The following ATG4A variants were observed in gnomAD, a reference collection of about 807,000 sequenced individuals.
The protein encoded by ATG4A is cysteine protease ATG4A.
A neutral mutation model predicts 38.4 loss-of-function variants in ATG4A; 22 were observed. The observed-to-expected ratio is 0.57, with a 90% CI of 0.41 to 0.82. The LOEUF is 0.82. Ranked by LOEUF, ATG4A falls within the 40% of genes least tolerant of loss-of-function variation. ATG4A has a pLI of 0.00. For synonymous variants in ATG4A, 86 were observed against 100.7 expected (o/e 0.85, Z 0.88); for missense variants, 220 against 290.0 (o/e 0.76, Z 1.75).
chrX:108,153,118 C>A (rs778817355), intron 12 of ATG4A, 31 bp downstream of exon 12: 2 of 1,022,078 alleles, frequency 2.0e-6, no homozygotes, highest in Admixed American at 2.2e-5. Context: ...TCTCAGCTAG[C>A]AGACCCACAT....
intron 1 of ATG4A, among the ~76,000 whole-genome samples, chrX:108,125,602 A>G (rs1271373227): frequency 1.8e-5 from 2 of 111,981 alleles, no homozygotes; most frequent in Non-Finnish European, 3.8e-5. Flanking sequence ...AAATATTACC[A>G]TATACACAGG....
chrX:108,136,392 T>C (rs2033107896), intron 6 of ATG4A, among the ~76,000 whole-genome samples: 1 of 111,216 alleles, frequency 9.0e-6, no homozygotes, highest in Admixed American at 9.6e-5. Flanking sequence ...GTACTTTACA[T>C]AGACTTCAGA....
intron 10 of ATG4A, 109 bp from the exon 11 acceptor site, chrX:108,151,693 T>G: frequency 1.3e-6 from 1 of 744,812 alleles, no homozygotes; most frequent in Non-Finnish European, 2.0e-6. Context: ...TCTTTATTGC[T>G]GAGAAGTCAC....
chrX:108,098,984 T>C (rs765529452), intron 1 of ATG4A, among the ~76,000 whole-genome samples: 1 of 111,113 alleles, frequency 9.0e-6, no homozygotes, highest in African/African-American at 3.3e-5. Context: ...GAAATTTTCA[T>C]CTCTCTGAGA....
chrX:108,113,092 AT>A (rs967826854), intron 1 of ATG4A, among the ~76,000 whole-genome samples: 11 of 109,064 alleles, frequency 1.0e-4, no homozygotes, highest in Admixed American at 8.8e-4. Context: ...TCTCTAGTCC[AT>A]TTTTTTTTCT....
chrX:108,119,524 T>A (rs2032596110), intron 1 of ATG4A, among the ~76,000 whole-genome samples: 2 of 112,215 alleles, frequency 1.8e-5, no homozygotes, highest in Admixed American at 1.9e-4. Flanking sequence ...TTCTATTCAA[T>A]TTCATTTTTT....
chrX:108,151,614 T>G (rs1225533026), intron 10 of ATG4A, among the ~76,000 whole-genome samples, 188 bp from the exon 11 acceptor site: 1 of 111,743 alleles, frequency 8.9e-6, no homozygotes, highest in African/African-American at 3.3e-5. Flanking sequence ...AGAGCAAGAC[T>G]GAGAGAGTGA....
At chrX:108,102,412 T>TG (rs1569299952) in intron 1 of ATG4A, among the ~76,000 whole-genome samples, 2 of 110,548 alleles carry the variant, frequency 1.8e-5, no homozygotes, top group East Asian at 5.6e-4. Flanking sequence ...AATTATTTGG[T>TG]GAGATTTTTT....
At chrX:108,149,810 C>G (rs1266092176) in intron 9 of ATG4A, among the ~76,000 whole-genome samples, 1 of 112,496 alleles carries the variant, frequency 8.9e-6, no homozygotes, top group East Asian at 2.8e-4. Context: ...GGCCCACGAC[C>G]TGGTGACTCC....
At chrX:108,132,945 C>T (rs2033002318) in intron 4 of ATG4A, among the ~76,000 whole-genome samples, 2 of 111,404 alleles carry the variant, frequency 1.8e-5, no homozygotes, top group South Asian at 7.5e-4. Context: ...GTTTCCTATT[C>T]AGCTATTTTA....
At chrX:108,134,316 AT>A in intron 5 of ATG4A, 22 bp from the exon 6 acceptor site, 1 of 1,196,273 alleles carries the variant, frequency 8.4e-7, no homozygotes, top group Non-Finnish European at 1.1e-6. Context: ...CTAACATGTT[AT>A]TTTTTTCCAC....
At chrX:108,137,430 C>T (rs182954467) in intron 7 of ATG4A, among the ~76,000 whole-genome samples, 230 of 112,731 alleles carry the variant, frequency 2.0e-3, no homozygotes, top group African/African-American at 7.0e-3. Flanking sequence ...ATTTATTCAA[C>T]CACCAACAGA....
chrX:108,141,537 A>G (rs1040491929), intron 9 of ATG4A, among the ~76,000 whole-genome samples: 4 of 111,583 alleles, frequency 3.6e-5, no homozygotes, highest in Non-Finnish European at 7.5e-5. Flanking sequence ...ACCACCTTCC[A>G]TTGCTCCCCC....
intron 1 of ATG4A, among the ~76,000 whole-genome samples, chrX:108,095,756 G>A (rs1409101478): frequency 9.6e-6 from 1 of 103,654 alleles, no homozygotes; most frequent in Admixed American, 1.0e-4. Context: ...TGTCGCCCAG[G>A]CTGAAGTGCA....
At chrX:108,140,977 C>CAT (rs1352281689) in intron 9 of ATG4A, among the ~76,000 whole-genome samples, 4 of 85,129 alleles carry the variant, frequency 4.7e-5, no homozygotes, top group Admixed American at 1.4e-4. Context: ...CATATATACA[C>CAT]ATATATATAC....
rs1316000396 is a variant in ATG4A, at chrX:108,137,985, A to G, written c.729A>G (p.Ala243=). 2 of 1,198,849 alleles carry G rather than the reference A, an allele frequency of 1.7e-6. No homozygotes were observed. Among genetic ancestry groups the G allele is most frequent in the African/African-American group, 1.8e-5 (1 of 56,832 alleles). ...INQINPVYVD[A]FKECFKMPQS... Reference sequence around the variant, plus strand: ...AAATCAATCCTGTCTATGTTGATGCATTCAAAGTAAGTCACTTCTTTCCCT... The same window carrying G: ...AAATCAATCCTGTCTATGTTGATGCGTTCAAAGTAAGTCACTTCTTTCCCT... Residue 243 remains alanine (A), a synonymous_variant, in exon 8 of 13, where the codon GCA becomes GCG. Transcript: ENST00000372232.
chrX:108,139,468 G>A (rs1397299619), intron 9 of ATG4A, among the ~76,000 whole-genome samples: 1 of 112,057 alleles, frequency 8.9e-6, no homozygotes, highest in Non-Finnish European at 1.9e-5. Context: ...CTTTAGGTTG[G>A]GGGGTGTGGA....
intron 4 of ATG4A, among the ~76,000 whole-genome samples, chrX:108,132,188 C>G (rs773606800): frequency 8.9e-6 from 1 of 112,168 alleles, no homozygotes; most frequent in South Asian, 3.7e-4. Flanking sequence ...CATGAGCTAC[C>G]GCGCCTGGCT....
At chrX:108,120,950 G>T (rs768876401) in intron 1 of ATG4A, among the ~76,000 whole-genome samples, 143 of 112,608 alleles carry the variant, frequency 1.3e-3, no homozygotes, top group African/African-American at 4.3e-3. Flanking sequence ...AGTCTGTAGA[G>T]AAATCATTCA....
Sources: gnomAD v4.1 joint callset for allele counts (sites outside exome capture counted in the v4.1 genomes callset) on GRCh38, gnomAD v4.1.1 for gene constraint, MANE v1.5 for transcripts, NCBI Gene and HGNC (gene_info 2026-07-23, HGNC 2026-07-21) for gene names.